TMEM255B: variants seen among roughly 807,000 people sequenced by gnomAD.
TMEM255B encodes the protein family with sequence similarity 70, member B.
In TMEM255B, 35 loss-of-function variants were observed where a neutral mutation model predicts 34.5. The ratio of observed to expected loss-of-function variants is 1.01; its 90% CI spans 0.77 to 1.34. TMEM255B has a LOEUF of 1.34. TMEM255B is among the 40% of genes most tolerant of loss of function. The probability of loss-of-function intolerance (pLI) is 0.00; values close to 1 mark genes in which losing one functional copy is unlikely to be tolerated. For missense variants in TMEM255B, 432 were observed against 433.2 expected, an observed-to-expected ratio of 1.00 and a Z score of 0.02; for synonymous variants, 206 against 201.2, an observed-to-expected ratio of 1.02 and a Z score of -0.20.
At chr13:113,795,433 TACACACACCACACA>T (rs756298151) in intron 4 of TMEM255B, among the ~76,000 whole-genome samples, 196 bp downstream of exon 4, 176 of 151,918 alleles carry the variant, frequency 1.2e-3, no homozygotes, top group Non-Finnish European at 1.9e-3. Context: ...CCACACAGAC[TACACACACCACACA>T]ACACACAGAG....
intron 6 of TMEM255B, 24 bp downstream of exon 6, chr13:113,800,936 TATCTACACCTGCGGGAGGTGAGGGGC>T (rs2051044281): frequency 1.7e-6 from 2 of 1,178,132 alleles, no homozygotes; most frequent in African/African-American, 6.7e-5. Context: ...GGGACCCCCA[TATCTACACCTGCGGGAGGTGAGGGGC>T]GCTGGGGACC....
At position 113,802,642 on chromosome 13, in the gene TMEM255B, C is replaced by T. The variant is rs1048323271; in HGVS notation, c.669+830C>T. Among the ~76,000 whole-genome samples the T allele has an allele frequency of 3.4e-5, 4 of 118,952 alleles. No homozygotes were observed. The East Asian group carries it at 7.7e-4, about 23-fold the overall frequency. The allele number at this position is 118,952 out of a possible 152,430, so 78.0% of individuals were successfully genotyped here. A position where few individuals can be genotyped will look rare whatever the true frequency, so the allele number is the denominator to read the frequency against. Reference sequence around the variant, plus strand: ...AGCGGCTTCTCCATGCCCTATTCGTCCCAGAGGCTGTCCATGACTAAAAAT... The same window carrying T: ...AGCGGCTTCTCCATGCCCTATTCGTTCCAGAGGCTGTCCATGACTAAAAAT... On this transcript the variant is annotated intron_variant, in intron 7 of 8. Transcript: ENST00000375353.
In TMEM255B at chr13:113,794,207, C is replaced by T. The variant is rs1047396120; in HGVS notation, c.253-941C>T. On this transcript the variant is annotated intron_variant, in intron 3 of 8. Transcript: ENST00000375353. ...AGAAGGAAGGTCGGGGTGCCTCTGC[C>T]GGGCGTCTTTGCAAGTGTGAGGAGG... Among the ~76,000 whole-genome samples the T allele has an allele frequency of 5.3e-5, 8 of 152,156 alleles. No individual in the cohort carries two copies. The South Asian group carries it at 6.2e-4, about 12-fold the overall frequency.
chr13:113,811,180 GGGGT>G (rs750265521), intron 8 of TMEM255B, among the ~76,000 whole-genome samples: 1,490 of 127,990 alleles, frequency 0.012, 6 homozygotes, highest in East Asian at 0.018. Flanking sequence ...CTGGGTCTGT[GGGGT>G]GGGGGCCAGT....
At chr13:113,797,799 G>A (rs2050968355) in intron 4 of TMEM255B, among the ~76,000 whole-genome samples, 1 of 152,202 alleles carries the variant, frequency 6.6e-6, no homozygotes, top group Non-Finnish European at 1.5e-5. Flanking sequence ...AAAACTAAAC[G>A]TGGGCAATGT....
At chr13:113,811,495 G>A (rs567168433) in intron 8 of TMEM255B, among the ~76,000 whole-genome samples, 20 of 143,120 alleles carry the variant, frequency 1.4e-4, no homozygotes, top group African/African-American at 1.9e-4. Context: ...TGGGGGGCCC[G>A]TGTGAATAGC....
chr13:113,790,850 A>T (rs2050821594), intron 3 of TMEM255B, among the ~76,000 whole-genome samples: 1 of 151,870 alleles, frequency 6.6e-6, no homozygotes, highest in Non-Finnish European at 1.5e-5. Flanking sequence ...GACTGACCGG[A>T]CACGTAGACA....
At chr13:113,792,821 C>G (rs1427225823) in intron 3 of TMEM255B, among the ~76,000 whole-genome samples, 1 of 152,244 alleles carries the variant, frequency 6.6e-6, no homozygotes, top group Non-Finnish European at 1.5e-5. Flanking sequence ...TTCTGCACAG[C>G]TTTCTTCTGG....
At chr13:113,807,371 C>A (rs1220156331) in intron 8 of TMEM255B, among the ~76,000 whole-genome samples, 1 of 119,834 alleles carries the variant, frequency 8.3e-6, no homozygotes, top group East Asian at 2.5e-4. Flanking sequence ...CGAGGGCTTA[C>A]GGGATGTGGG....
At chr13:113,762,927 G>A (rs1299514696) in intron 1 of TMEM255B, among the ~76,000 whole-genome samples, 2 of 152,260 alleles carry the variant, frequency 1.3e-5, no homozygotes, top group Non-Finnish European at 2.9e-5. Context: ...GAGAAGGACA[G>A]CGTTTGTCTG....
chr13:113,805,005 T>C lies in TMEM255B; in HGVS notation c.790T>C (p.Ser264Pro). ...RLTPEPVPTC[S>P]SYPLPLQPCS... ...GACGCCCGAGCCCGTCCCGACCTGC[T>C]CGTCCTACCCTCTGCCCCTTCAGGT... The change falls in exon 8 of 9, where the codon TCG becomes CCG. Residue 264 changes from serine (S) to proline (P), a missense_variant. Coordinates refer to ENST00000375353, the MANE Select transcript of TMEM255B (RefSeq NM_182614.4). 1 of 1,605,502 alleles carries C rather than the reference T, an allele frequency of 6.2e-7. No individual in the cohort carries two copies. Among genetic ancestry groups the C allele is most frequent in the Non-Finnish European group, 8.5e-7 (1 of 1,179,026 alleles).
rs1418312973 is a variant in TMEM255B, at chr13:113,800,926, G to A, written c.509+14G>A. The A allele has an allele frequency of 3.3e-6, 4 of 1,195,360 alleles. No homozygotes were observed. The highest frequency in any genetic ancestry group is 1.3e-5 in the South Asian group (1 of 76,396). The allele number at this position is 1,195,360 out of a possible 1,614,324, so 74.0% of individuals were successfully genotyped here. A position where few individuals can be genotyped will look rare whatever the true frequency, so the allele number is the denominator to read the frequency against. The stretch of plus-strand genomic sequence containing the variant: ...TGCCTGCGGGAGGTGAGGGGCACCG[G>A]GGACCCCCATATCTACACCTGCGGG... On this transcript the variant is annotated intron_variant, in intron 6 of 8. Transcript: ENST00000375353.
intron 7 of TMEM255B, among the ~76,000 whole-genome samples, chr13:113,804,315 G>A (rs1030900247): frequency 2.0e-5 from 3 of 152,198 alleles, no homozygotes; most frequent in Non-Finnish European, 4.4e-5. Context: ...GAAACCCCAC[G>A]CTGGTTGGGG....
At chr13:113,789,215 A>G (rs1277965990) in intron 3 of TMEM255B, among the ~76,000 whole-genome samples, 1 of 150,118 alleles carries the variant, frequency 6.7e-6, no homozygotes, top group Non-Finnish European at 1.5e-5. Flanking sequence ...AAACTCTGAG[A>G]GCAGAGGCAT....
intron 3 of TMEM255B, among the ~76,000 whole-genome samples, chr13:113,786,333 CCATCACCAT>C: frequency 1.3e-5 from 2 of 151,358 alleles, no homozygotes; most frequent in African/African-American, 4.9e-5. Flanking sequence ...ATCACCATCC[CCATCACCAT>C]CACTGTCGTC....
At position 113,769,644 on chromosome 13, in the gene TMEM255B, T is replaced by C. The variant is rs1355230273; in HGVS notation, c.252+484T>C. 2.4e-5 allele frequency: 4 copies of C among 167,508 alleles called. No individual in the cohort carries two copies. The highest frequency in any genetic ancestry group is 5.3e-5 in the Non-Finnish European group (4 of 75,226). The allele number at this position is 167,508 out of a possible 1,614,324, so 10.4% of individuals were successfully genotyped here. A position where few individuals can be genotyped will look rare whatever the true frequency, so the allele number is the denominator to read the frequency against. ...ACCAGGAGGGAGCCCCCGGTTCACA[T>C]GGCAGCAATGCAGAGTGAAATCCAG... is the stretch of plus-strand genomic sequence containing the variant. On this transcript the variant is annotated intron_variant, in intron 3 of 8. Transcript: ENST00000375353. The surrounding 1 kb of genome is among the most constrained non-coding windows in gnomAD (Gnocchi z 4.2).
At chr13:113,795,079 T>C (rs1264404393) in intron 3 of TMEM255B, 69 bp from the exon 4 acceptor site, 7 of 1,451,602 alleles carry the variant, frequency 4.8e-6, no homozygotes, top group Non-Finnish European at 5.8e-6. Context: ...GCTGGGACTT[T>C]GAATTGGTTT....
rs1053164734 is a variant in TMEM255B at position 113,802,060 on chromosome 13, G to C, written c.669+248G>C. ...CCTCCCCGCTGAGGTGGGCACAGCC[G>C]TCCCCAAGAAACAATGTTCAGCTCC... On this transcript the variant is annotated intron_variant, in intron 7 of 8. Coordinates refer to ENST00000375353, the MANE Select transcript of TMEM255B (RefSeq NM_182614.4). 2.0e-5 allele frequency among the ~76,000 whole-genome samples: 3 copies of C among 152,224 alleles called. No individual in the cohort carries two copies. In the East Asian group the frequency reaches 5.8e-4, roughly 29 times the overall value.
chr13:113,775,009 C>A (rs867868100), intron 3 of TMEM255B, among the ~76,000 whole-genome samples: 55 of 147,602 alleles, frequency 3.7e-4, no homozygotes, highest in African/African-American at 8.0e-4. Context: ...ACACTCCACA[C>A]AATACACAAC....
Sources: gnomAD v4.1 joint callset for allele counts (sites outside exome capture counted in the v4.1 genomes callset) on GRCh38, gnomAD v4.1.1 for gene constraint, Gnocchi (gnomAD v3.1) non-coding constraint, MANE v1.5 for transcripts, NCBI Gene and HGNC (gene_info 2026-07-23, HGNC 2026-07-21) for gene names.